Variants in TYW1 observed in about 807,000 individuals in gnomAD.
The protein encoded by TYW1 is tRNA-yW synthesizing protein 1 homolog.
TYW1 carries 46 observed loss-of-function variants against 96.2 expected under a neutral mutation model. The observed-to-expected ratio is 0.48, with a 90% confidence interval of 0.38 to 0.61. The LOEUF (loss-of-function observed/expected upper bound fraction) is 0.61, where lower values mean the gene tolerates loss of function less well. Among genes scored for constraint, TYW1 ranks in the 20% least tolerant of loss-of-function variants. The pLI, the probability that TYW1 is intolerant of heterozygous loss-of-function variation, is 0.00. For missense variants in TYW1, 684 were observed against 909.6 expected, an observed-to-expected ratio of 0.75 and a Z score of 3.19; for synonymous variants, 274 against 323.0, an observed-to-expected ratio of 0.85 and a Z score of 1.63.
At chr7:67,019,811 T>A (rs969469649) in intron 6 of TYW1, among the ~76,000 whole-genome samples, 2 of 152,298 alleles carry the variant, frequency 1.3e-5, no homozygotes, top group Middle Eastern at 3.2e-3. Context: ...CTCATTGCTT[T>A]ATAGCGATAA....
rs113903016 is a variant in TYW1, at chr7:67,016,886, A to G, written c.571-967A>G. Among the ~76,000 whole-genome samples, 31 of 152,066 alleles carry G rather than the reference A, an allele frequency of 2.0e-4. 2 individuals carry two copies. Among genetic ancestry groups the G allele is most frequent in the African/African-American group, 7.5e-4 (31 of 41,508 alleles). ...GCATTCTTCTCACCCCGGTCTCCCAAGGTGCTGGAATTATAGGCGTGAGCC... is the reference window on the plus strand; with the variant it reads ...GCATTCTTCTCACCCCGGTCTCCCAGGGTGCTGGAATTATAGGCGTGAGCC... On this transcript the variant is annotated intron_variant, in intron 5 of 15. Transcript: ENST00000359626.
chr7:67,159,437 A>T (rs1799087222), intron 13 of TYW1, among the ~76,000 whole-genome samples: 1 of 152,228 alleles, frequency 6.6e-6, no homozygotes, highest in African/African-American at 2.4e-5. Context: ...ACAACTCCAG[A>T]TGTTAATATT....
chr7:67,077,290 G>C (rs1053817465), intron 10 of TYW1, among the ~76,000 whole-genome samples: 14 of 152,098 alleles, frequency 9.2e-5, no homozygotes, highest in Non-Finnish European at 2.1e-4. Flanking sequence ...TCATATGGTA[G>C]TTCTAGCTTT....
rs550056293 is a variant in TYW1, at chr7:67,046,314, A to G, written c.985-3635A>G. On this transcript the variant is annotated intron_variant, in intron 7 of 15. Coordinates refer to ENST00000359626, the MANE Select transcript of TYW1 (RefSeq NM_018264.4). ...CTTTTTAGTTCTGATTGCCTCTGGT[A>G]TCACGCATTGGGCACACTGGGTTCA... Among the ~76,000 whole-genome samples the G allele has an allele frequency of 1.4e-3, 214 of 152,176 alleles. 1 individual carries two copies. The highest frequency in any genetic ancestry group is 2.4e-3 in the Non-Finnish European group (161 of 68,012).
chr7:67,060,185 C>T (rs958958164), intron 9 of TYW1, among the ~76,000 whole-genome samples: 2 of 152,140 alleles, frequency 1.3e-5, no homozygotes, highest in Non-Finnish European at 2.9e-5. Flanking sequence ...AAGTGATTCT[C>T]CTGCCTCAGC....
At chr7:67,023,140 A>G (rs1349548828) in intron 6 of TYW1, among the ~76,000 whole-genome samples, 2 of 152,028 alleles carry the variant, frequency 1.3e-5, no homozygotes, top group African/African-American at 4.8e-5. Flanking sequence ...TCTGTTGCCA[A>G]AGCTGGAGTG....
intron 13 of TYW1, among the ~76,000 whole-genome samples, chr7:67,140,096 T>C (rs973264916): frequency 4.6e-5 from 7 of 151,952 alleles, no homozygotes; most frequent in African/African-American, 1.5e-4. Flanking sequence ...AGAGAACTTG[T>C]GCAGGGGAAC....
chr7:67,167,153 T>C (rs1386722180), intron 13 of TYW1, among the ~76,000 whole-genome samples: 1 of 152,116 alleles, frequency 6.6e-6, no homozygotes, highest in African/African-American at 2.4e-5. Context: ...TGTCTTTATC[T>C]GGTGAGTGCA....
At chr7:67,099,366 A>G (rs1797018296) in intron 12 of TYW1, among the ~76,000 whole-genome samples, 1 of 152,104 alleles carries the variant, frequency 6.6e-6, no homozygotes, top group Non-Finnish European at 1.5e-5. Context: ...TTGGTACTTG[A>G]GAAGGTTGGA....
At position 67,239,310 on chromosome 7, in the gene TYW1, A is replaced by G. The variant is rs1045123; in HGVS notation, c.*781A>G. On this transcript the variant is annotated 3_prime_UTR_variant, in exon 16 of 16. Coordinates refer to ENST00000359626, the MANE Select transcript of TYW1 (RefSeq NM_018264.4). ...CTTTTTGTTCGTGAGGTCACTGTCC[A>G]GGCCTCTCATATCATGACCAGACGG... 26 of 985,472 alleles carry G rather than the reference A, an allele frequency of 2.6e-5. 1 individual carries two copies. In the South Asian group the frequency reaches 6.1e-4, roughly 23 times the overall value. 61.0% of individuals were successfully genotyped at this position (985,472 alleles called of 1,614,324 possible). A position where few individuals can be genotyped will look rare whatever the true frequency, so the allele number is the denominator to read the frequency against.
intron 13 of TYW1, among the ~76,000 whole-genome samples, chr7:67,127,077 T>TCTAC (rs1482863543): frequency 6.6e-6 from 1 of 152,078 alleles, no homozygotes; most frequent in East Asian, 1.9e-4. Flanking sequence ...GTAATATAGG[T>TCTAC]CTACCAGTAA....
intron 13 of TYW1, among the ~76,000 whole-genome samples, chr7:67,178,168 C>G (rs946811770): frequency 7.4e-6 from 1 of 136,000 alleles, no homozygotes; most frequent in Non-Finnish European, 1.6e-5. Flanking sequence ...TATCTCAAGC[C>G]AGAAAAAAAA....
In TYW1 at chr7:67,180,240, T is replaced by G. The variant is rs1448230512; in HGVS notation, c.1699-2886T>G. Among the ~76,000 whole-genome samples the G allele has an allele frequency of 3.1e-5, 4 of 130,802 alleles. 1 individual carries two copies. Among genetic ancestry groups the G allele is most frequent in the African/African-American group, 6.3e-5 (2 of 31,578 alleles). The allele number at this position is 130,802 out of a possible 152,430, so 85.8% of individuals were successfully genotyped here. A position where few individuals can be genotyped will look rare whatever the true frequency, so the allele number is the denominator to read the frequency against. ...TTGGTATGATACGCTGCTGCCAAGCTTGGTTCCAGATTCCACATGCTAAAT... is the reference window on the plus strand; with the variant it reads ...TTGGTATGATACGCTGCTGCCAAGCGTGGTTCCAGATTCCACATGCTAAAT... On this transcript the variant is annotated intron_variant, in intron 13 of 15. Coordinates refer to ENST00000359626, the MANE Select transcript of TYW1 (RefSeq NM_018264.4).
In TYW1 at chr7:67,024,145, C is replaced by T. The variant is rs549602703; in HGVS notation, c.862-755C>T. ...TTGTTCCCACTCCATCATGCCCTTT[C>T]ACAGTTGTTAGTCTGATGCTAAAGA... is the stretch of plus-strand genomic sequence containing the variant. On this transcript the variant is annotated intron_variant, in intron 6 of 15. Coordinates refer to ENST00000359626, the MANE Select transcript of TYW1 (RefSeq NM_018264.4). Among the ~76,000 whole-genome samples the T allele has an allele frequency of 3.3e-5, 5 of 152,194 alleles. No individual in the cohort carries two copies. In the South Asian group the frequency reaches 1.0e-3, roughly 32 times the overall value.
At chr7:67,200,053 C>T (rs1409280100) in intron 15 of TYW1, among the ~76,000 whole-genome samples, 1 of 152,202 alleles carries the variant, frequency 6.6e-6, no homozygotes, top group African/African-American at 2.4e-5. Flanking sequence ...TTTTATTGGT[C>T]TTCCCCCACC....
chr7:67,041,475 T>G (rs1268319886), intron 7 of TYW1, among the ~76,000 whole-genome samples: 1 of 152,146 alleles, frequency 6.6e-6, no homozygotes, highest in Non-Finnish European at 1.5e-5. Context: ...AATTTTTGTA[T>G]TTTTAGTAGA....
At chr7:67,109,923 A>C (rs1563018447) in intron 12 of TYW1, among the ~76,000 whole-genome samples, 1 of 152,194 alleles carries the variant, frequency 6.6e-6, no homozygotes, top group Non-Finnish European at 1.5e-5. Context: ...AACCACAGTG[A>C]AAACCAGCAG....
At chr7:67,195,396 C>T in intron 15 of TYW1, 59 bp downstream of exon 15, 1 of 1,604,054 alleles carries the variant, frequency 6.2e-7, no homozygotes, top group Non-Finnish European at 8.5e-7. Flanking sequence ...CTTTCCTTCT[C>T]TTCTCTCTTT....
rs546515156 is a variant in TYW1, at chr7:67,220,420, G to A, written c.1978-17888G>A. On this transcript the variant is annotated intron_variant, in intron 15 of 15. Transcript: ENST00000359626. ...GGGTTTCACCGTGTTAGCCAGGATA[G>A]TCTCGATCTCCTGACCTCGTGATCC... Among the ~76,000 whole-genome samples, 3 of 152,128 alleles carry A rather than the reference G, an allele frequency of 2.0e-5. No individual in the cohort carries two copies. In the South Asian group the frequency reaches 6.2e-4, roughly 32 times the overall value.
Sources: allele counts gnomAD v4.1 joint callset (sites outside exome capture counted in the v4.1 genomes callset), GRCh38; gene constraint gnomAD v4.1.1; transcripts MANE v1.5; gene names NCBI Gene and HGNC (gene_info 2026-07-23, HGNC 2026-07-21).